Variants in PTGER3 observed in about 807,000 individuals in gnomAD.
PTGER3 encodes the protein prostaglandin E receptor 3.
Under a neutral mutation model 34.7 loss-of-function variants are expected in PTGER3, and 22 were observed. That is an observed-to-expected ratio of 0.63 (90% CI 0.45 to 0.91). PTGER3 has a LOEUF of 0.91. PTGER3 is among the 40% of genes least tolerant of loss of function. The pLI is 0.00. For missense variants in PTGER3, 468 were observed against 519.4 expected (o/e 0.90, Z 0.96); for synonymous variants, 241 against 230.1 (o/e 1.05, Z -0.43).
In PTGER3 at chr1:70,934,326, G is replaced by T. The variant is rs1649004498; in HGVS notation, c.*23+19437C>A. On this transcript the variant is annotated intron_variant, in intron 4 of 4. Transcript: ENST00000370931. ...TCCTTTTTTTTCTTCACAGTCATGT[G>T]TCTCTGAGTATACACAGGAGTAATA... Among the ~76,000 whole-genome samples, 6 of 152,218 alleles carry T rather than the reference G, an allele frequency of 3.9e-5. No individual in the cohort carries two copies. The South Asian group carries it at 1.2e-3, about 32-fold the overall frequency.
At chr1:70,933,040 T>A (rs75912520) in intron 4 of PTGER3, among the ~76,000 whole-genome samples, 20,531 of 152,178 alleles carry the variant, frequency 0.13, 1,728 homozygotes, top group African/African-American at 0.22. Flanking sequence ...ATCTATTGTG[T>A]TATAATTATT....
At chr1:70,910,814 G>C (rs193240606) in intron 4 of PTGER3, among the ~76,000 whole-genome samples, 3 of 152,276 alleles carry the variant, frequency 2.0e-5, no homozygotes, top group Admixed American at 2.0e-4. Flanking sequence ...CCGGGGCCAT[G>C]GCTCACGCCT....
At chr1:70,922,407 A>G (rs981812321) in intron 4 of PTGER3, among the ~76,000 whole-genome samples, 2 of 152,166 alleles carry the variant, frequency 1.3e-5, no homozygotes, top group Admixed American at 1.3e-4. Context: ...ACATTGTACA[A>G]TTTAAAGGTG....
At chr1:70,948,856 A>T (rs776529852), downstream of PTGER3, among the ~76,000 whole-genome samples, 1 of 152,188 alleles carries the variant, frequency 6.6e-6, no homozygotes, top group Non-Finnish European at 1.5e-5. Context: ...TGCTTCTGCC[A>T]ACCCTACTCT....
At chr1:70,904,061 A>G (rs1013075006) in intron 4 of PTGER3, among the ~76,000 whole-genome samples, 2 of 151,192 alleles carry the variant, frequency 1.3e-5, no homozygotes, top group African/African-American at 4.9e-5. Context: ...TGTTCCTGTG[A>G]TAGTGAATGA....
At chr1:70,887,089 T>G (rs1476729489) in intron 4 of PTGER3, among the ~76,000 whole-genome samples, 2 of 152,176 alleles carry the variant, frequency 1.3e-5, no homozygotes, top group Non-Finnish European at 2.9e-5. Context: ...CCTTTGGGCA[T>G]GAAGAAAAAG....
rs550165888 is a variant in PTGER3, at chr1:71,006,470, A to T, written c.1077+5835T>A. 1.8e-5 allele frequency: 18 copies of T among 985,472 alleles called. No homozygotes were observed. In the South Asian group the frequency reaches 7.5e-4, roughly 41 times the overall value. 61.0% of individuals were successfully genotyped at this position (985,472 alleles called of 1,614,324 possible). A position where few individuals can be genotyped will look rare whatever the true frequency, so the allele number is the denominator to read the frequency against. On this transcript the variant is annotated intron_variant, in intron 2 of 3. Coordinates refer to ENST00000306666, the MANE Select transcript of PTGER3 (RefSeq NM_198719.2). The stretch of plus-strand genomic sequence containing the variant: ...AGGCACAAGTCAATTAAAGGGTTGT[A>T]CTATGAGCAAGGACAATTCTTATTT...
chr1:70,976,565 T>G (rs1459440052), intron 2 of PTGER3, among the ~76,000 whole-genome samples: 9 of 152,184 alleles, frequency 5.9e-5, no homozygotes, highest in African/African-American at 2.2e-4. Context: ...ACTAATAGCC[T>G]TGTTACTACT....
chr1:70,964,647 T>C (rs1472373339), intron 2 of PTGER3, among the ~76,000 whole-genome samples: 2 of 152,190 alleles, frequency 1.3e-5, no homozygotes, highest in Admixed American at 1.3e-4. Flanking sequence ...GTGGGAATTA[T>C]GGGAGCTACA....
At chr1:70,916,521 A>G (rs755063019) in intron 4 of PTGER3, among the ~76,000 whole-genome samples, 2 of 152,102 alleles carry the variant, frequency 1.3e-5, no homozygotes, top group Non-Finnish European at 2.9e-5. Context: ...AAAATGTGAT[A>G]CATATATACC....
At chr1:71,008,781 T>C in intron 2 of PTGER3, 1 of 957,346 alleles carries the variant, frequency 1.0e-6, no homozygotes, top group Non-Finnish European at 1.2e-6. Context: ...TGTGAAAATT[T>C]GTCATTGTTG....
At chr1:70,952,374 T>C, downstream of PTGER3, 3 of 969,668 alleles carry the variant, frequency 3.1e-6, no homozygotes, top group Non-Finnish European at 3.7e-6. Flanking sequence ...GTTTTGTTAA[T>C]TCAAGGTTAA....
intron 4 of PTGER3, among the ~76,000 whole-genome samples, chr1:70,877,777 C>A (rs529556997): frequency 2.0e-5 from 3 of 152,102 alleles, no homozygotes; most frequent in South Asian, 4.1e-4. Context: ...GTTTAACTAA[C>A]CTTGCATCCC....
chr1:70,899,005 C>CCTTA (rs56721992), intron 4 of PTGER3, among the ~76,000 whole-genome samples: 20,357 of 152,018 alleles, frequency 0.13, 2,789 homozygotes, highest in East Asian at 0.43. Context: ...TACTCACCTA[C>CCTTA]CTTAGCCTGA....
At chr1:70,960,216 C>T (rs563648434) in intron 2 of PTGER3, among the ~76,000 whole-genome samples, 1 of 152,294 alleles carries the variant, frequency 6.6e-6, no homozygotes, top group South Asian at 2.1e-4. Context: ...ATTTCTGTTG[C>T]TTAAACCACT....
intron 2 of PTGER3, among the ~76,000 whole-genome samples, chr1:70,955,164 A>G (rs1011283020): frequency 6.6e-6 from 1 of 152,154 alleles, no homozygotes; most frequent in South Asian, 2.1e-4. Flanking sequence ...TTTGAATTCT[A>G]ATAACACCAC....
chr1:70,975,662 T>G (rs1653618508), intron 2 of PTGER3, among the ~76,000 whole-genome samples: 4 of 152,198 alleles, frequency 2.6e-5, no homozygotes, highest in African/African-American at 9.7e-5. Context: ...TAGGCAGTGC[T>G]GTGTGAAGAA....
chr1:70,916,755 A>G (rs1480969056), intron 4 of PTGER3, among the ~76,000 whole-genome samples: 1 of 151,962 alleles, frequency 6.6e-6, no homozygotes, highest in East Asian at 1.9e-4. Flanking sequence ...GTGGGTTGGA[A>G]AACTACCTAT....
intron 1 of PTGER3, among the ~76,000 whole-genome samples, chr1:71,036,934 C>A (rs1659885717): frequency 6.6e-6 from 1 of 152,146 alleles, no homozygotes; most frequent in African/African-American, 2.4e-5. Flanking sequence ...GATTCTAGAG[C>A]AGCATGTGGC....
Sources: gnomAD v4.1 joint callset for allele counts (sites outside exome capture counted in the v4.1 genomes callset) on GRCh38, gnomAD v4.1.1 for gene constraint, MANE v1.5 for transcripts, NCBI Gene and HGNC (gene_info 2026-07-23, HGNC 2026-07-21) for gene names.